RIMS3: variants seen among roughly 807,000 people sequenced by gnomAD.
The protein encoded by RIMS3 is regulating synaptic membrane exocytosis protein 3.
A neutral mutation model predicts 29.2 loss-of-function variants in RIMS3; 15 were observed. The observed-to-expected ratio is 0.51, with a 90% CI of 0.34 to 0.79. The LOEUF is 0.79. Ranked by LOEUF, RIMS3 falls within the 30% of genes least tolerant of loss-of-function variation. The pLI, the probability that RIMS3 is intolerant of heterozygous loss-of-function variation, is 0.01. For synonymous variants in RIMS3, 161 were observed against 170.1 expected (o/e 0.95, Z 0.41); for missense variants, 342 against 421.4 (o/e 0.81, Z 1.65).
At chr1:40,640,255 C>A (rs1468331408) in intron 3 of RIMS3, among the ~76,000 whole-genome samples, 1 of 152,102 alleles carries the variant, frequency 6.6e-6, no homozygotes, top group African/African-American at 2.4e-5. Context: ...ATCCCTAAGT[C>A]CCCATCTCCC....
chr1:40,661,026 A>T (rs1471753806), intron 1 of RIMS3, among the ~76,000 whole-genome samples: 1 of 151,810 alleles, frequency 6.6e-6, no homozygotes, highest in Non-Finnish European at 1.5e-5. Context: ...TCTTGGGCAA[A>T]CTCCAAGTTA....
intron 4 of RIMS3, among the ~76,000 whole-genome samples, chr1:40,633,680 G>A (rs1466002838): frequency 6.6e-6 from 1 of 152,258 alleles, no homozygotes. Flanking sequence ...TGAGGTGAAT[G>A]GCAAGTGATG....
the RIMS3 span, among the ~76,000 whole-genome samples, chr1:40,675,010 C>G: frequency 2.0e-5 from 3 of 152,142 alleles, no homozygotes; most frequent in African/African-American, 7.2e-5. Context: ...CACAAAACCC[C>G]AGAACTTCGA....
In RIMS3 at chr1:40,636,297, CAG is replaced by C. The variant is rs1646519380; in HGVS notation, c.218-242_218-241del. ...AGCAGACTAGAAAGATGGCTGCAGG[CAG>C]AGTCATGATGGCGCCACCACGCAGA... On this transcript the variant is annotated intron_variant, in intron 3 of 7. Transcript: ENST00000372684. The surrounding 1 kb of genome is among the most constrained non-coding windows in gnomAD (Gnocchi z 4.2). Among the ~76,000 whole-genome samples the C allele has an allele frequency of 6.6e-6, 1 of 152,170 alleles. No homozygotes were observed. Among genetic ancestry groups the C allele is most frequent in the South Asian group, 2.1e-4 (1 of 4,824 alleles).
intron 2 of RIMS3, among the ~76,000 whole-genome samples, chr1:40,645,201 T>C (rs1158760950): frequency 1.3e-5 from 2 of 152,196 alleles, no homozygotes; most frequent in African/African-American, 4.8e-5. Flanking sequence ...TTTCCAATTC[T>C]AGTGCCAGTG....
Position 40,641,726 on chromosome 1 carries a change from A to G in RIMS3, c.200T>C (p.Leu67Pro). Residue 67 changes from leucine to proline, a missense_variant, in exon 3 of 8, where the codon CTC (leucine) becomes CCC (proline). Leu to Pro is a moderately conservative substitution (Grantham distance 98). Coordinates refer to ENST00000372684, the MANE Select transcript of RIMS3 (RefSeq NM_014747.3). ...VGLTQWSKST[L>P]QLPQPEGATK... is the part of the protein sequence containing the mutation. ...CCCCTCACCAGGCTGCGGAAGCTGG[A>G]GTGTGCTCTTGCTCCACTGAGTCAG... 2 of 1,614,078 alleles carry G rather than the reference A, an allele frequency of 1.2e-6. No homozygotes were observed. Among genetic ancestry groups the G allele is most frequent in the Non-Finnish European group, 1.7e-6 (2 of 1,179,972 alleles).
At chr1:40,641,663 C>T (rs750869436) in intron 3 of RIMS3, 46 bp downstream of exon 3, 15 of 1,582,992 alleles carry the variant, frequency 9.5e-6, no homozygotes, top group East Asian at 2.2e-5. Flanking sequence ...TCTGTCTTTG[C>T]GAAGTGTCCC....
At chr1:40,671,172 G>C in the RIMS3 span, among the ~76,000 whole-genome samples, 3 of 152,174 alleles carry the variant, frequency 2.0e-5, no homozygotes, top group Admixed American at 2.0e-4. Context: ...GTAGGAGGTA[G>C]GTGGTCCCTA....
the RIMS3 span, chr1:40,691,574 C>A: frequency 3.0e-6 from 1 of 328,314 alleles, no homozygotes; most frequent in South Asian, 2.1e-5. Flanking sequence ...ACTCTCAGAT[C>A]TCATTCCGCC....
upstream of RIMS3, among the ~76,000 whole-genome samples, chr1:40,670,574 T>TTATATATATATATATATATATATATA (rs553412097): frequency 2.2e-3 from 158 of 71,130 alleles, 7 homozygotes; most frequent in Admixed American, 2.6e-3. Flanking sequence ...AGTTATAATT[T>TTATATATATATATATATATATATATA]TATATATATA....
At position 40,635,968 on chromosome 1, in the gene RIMS3, C is replaced by T. The variant is rs772215057; in HGVS notation, c.307G>A (p.Gly103Ser). 2 of 1,611,882 alleles carry T rather than the reference C, an allele frequency of 1.2e-6. No individual in the cohort carries two copies. The highest frequency in any genetic ancestry group is 2.2e-5 in the East Asian group (1 of 44,882). Residue 103 changes from glycine to serine, a missense_variant, in exon 4 of 8, where the codon GGC becomes AGC. Physicochemically the swap from Gly to Ser is moderately conservative, Grantham distance 56. Transcript: ENST00000372684. This position sits in a 1 kb window ranked among gnomAD's most constrained non-coding sequence, Gnocchi z 4.1. ...VEMRSRVTRQ[G>S]SRESTDGSTN... ...CTCCCATCGGTGGACTCCCGGCTGC[C>T]CTGGCGTGTGACCCGGCTCCGCATC...
chr1:40,650,994 T>G (rs2148355720), intron 1 of RIMS3, among the ~76,000 whole-genome samples: 1 of 151,908 alleles, frequency 6.6e-6, no homozygotes, highest in South Asian at 2.1e-4. Context: ...CACCTTTGCC[T>G]GGCTAAACCC....
intron 5 of RIMS3, among the ~76,000 whole-genome samples, chr1:40,632,570 C>T (rs1370783977): frequency 6.6e-6 from 1 of 151,294 alleles, no homozygotes; most frequent in Admixed American, 6.6e-5. Context: ...TGCATGGATT[C>T]AGGGTAGTAC....
rs116678881 is a variant in RIMS3 at position 40,635,701 on chromosome 1, C to T, written c.359+215G>A. Reference sequence around the variant, plus strand: ...TGAAACATACAGAAGGAACTGATAGCTCCTGGGTATCTGGATATTCCAATG... The same window carrying T: ...TGAAACATACAGAAGGAACTGATAGTTCCTGGGTATCTGGATATTCCAATG... On this transcript the variant is annotated intron_variant, in intron 4 of 7. Transcript: ENST00000372684. The surrounding 1 kb of genome is among the most constrained non-coding windows in gnomAD (Gnocchi z 4.1). Among the ~76,000 whole-genome samples the T allele has an allele frequency of 0.012, 1,811 of 152,320 alleles. 20 individuals are homozygous for T. The highest frequency in any genetic ancestry group is 0.019 in the Admixed American group (289 of 15,296).
chr1:40,660,705 C>T (rs1642340292), intron 1 of RIMS3, among the ~76,000 whole-genome samples: 1 of 151,858 alleles, frequency 6.6e-6, no homozygotes. Context: ...ACCTGCAGAT[C>T]TTCAACCCAG....
chr1:40,656,822 T>C (rs1157151897), intron 1 of RIMS3, among the ~76,000 whole-genome samples: 1 of 150,008 alleles, frequency 6.7e-6, no homozygotes, highest in East Asian at 1.9e-4. Flanking sequence ...GAAACTACAC[T>C]GACATGTTCT....
chr1:40,650,158 G>A (rs1390516933), intron 1 of RIMS3, among the ~76,000 whole-genome samples: 1 of 152,154 alleles, frequency 6.6e-6, no homozygotes, highest in Non-Finnish European at 1.5e-5. Context: ...CCAGGGCTGG[G>A]TGAGCCGTGT....
chr1:40,664,323 A>T (rs1642395299), intron 1 of RIMS3, among the ~76,000 whole-genome samples: 1 of 151,474 alleles, frequency 6.6e-6, no homozygotes, highest in African/African-American at 2.4e-5. Context: ...CTGCCTGATT[A>T]CAGACTAATT....
intron 5 of RIMS3, among the ~76,000 whole-genome samples, chr1:40,629,638 C>T (rs1467493118): frequency 6.6e-6 from 1 of 152,144 alleles, no homozygotes; most frequent in Non-Finnish European, 1.5e-5. Context: ...TGCCAAACCC[C>T]CATTTGTGTC....
Sources: gnomAD v4.1 joint callset for allele counts (sites outside exome capture counted in the v4.1 genomes callset) on GRCh38, gnomAD v4.1.1 for gene constraint, Gnocchi (gnomAD v3.1) non-coding constraint, MANE v1.5 for transcripts, NCBI Gene and HGNC (gene_info 2026-07-23, HGNC 2026-07-21) for gene names.